PPP1R16B: variants seen among roughly 807,000 people sequenced by gnomAD.
PPP1R16B encodes protein phosphatase 1 regulatory inhibitor subunit 16B.
In PPP1R16B, 14 loss-of-function variants were observed where a neutral mutation model predicts 61.7. The ratio of observed to expected loss-of-function variants is 0.23; its 90% confidence interval spans 0.15 to 0.35. The LOEUF (loss-of-function observed/expected upper bound fraction) is 0.35. Ranked by LOEUF, PPP1R16B falls within the 10% of genes least tolerant of loss-of-function variation. PPP1R16B has a pLI of 1.00. For synonymous variants in PPP1R16B, 266 were observed against 305.3 expected (o/e 0.87, Z 1.34); for missense variants, 547 against 752.5 (o/e 0.73, Z 3.19).
At chr20:38,820,807 C>T (rs1258281371) in intron 1 of PPP1R16B, among the ~76,000 whole-genome samples, 3 of 151,638 alleles carry the variant, frequency 2.0e-5, no homozygotes, top group African/African-American at 7.3e-5. Context: ...CCGAGGTGGG[C>T]GGATCATGAG....
chr20:38,841,371 A>C (rs1160778134), intron 2 of PPP1R16B, among the ~76,000 whole-genome samples: 2 of 147,730 alleles, frequency 1.4e-5, no homozygotes, highest in Non-Finnish European at 3.0e-5. Flanking sequence ...AAAAAAAAAA[A>C]AAAAAAAAAA....
At chr20:38,824,845 C>T (rs1258563847) in intron 1 of PPP1R16B, among the ~76,000 whole-genome samples, 1 of 152,264 alleles carries the variant, frequency 6.6e-6, no homozygotes. Context: ...GCCTGGCCAA[C>T]ATGGTGAAAC....
At chr20:38,836,216 G>A (rs1376775188) in intron 2 of PPP1R16B, 41 bp downstream of exon 2, 2 of 1,580,644 alleles carry the variant, frequency 1.3e-6, no homozygotes, top group Non-Finnish European at 8.6e-7. Context: ...AGCTGCCTTG[G>A]CCTCTGATCA....
intron 2 of PPP1R16B, among the ~76,000 whole-genome samples, chr20:38,849,230 C>G (rs2084952540): frequency 6.6e-6 from 1 of 151,958 alleles, no homozygotes; most frequent in African/African-American, 2.4e-5. Context: ...TCACCTTAGT[C>G]TTGGTTTTTC....
At chr20:38,814,690 A>G (rs1209053940) in intron 1 of PPP1R16B, among the ~76,000 whole-genome samples, 2 of 152,096 alleles carry the variant, frequency 1.3e-5, no homozygotes, top group Non-Finnish European at 2.9e-5. Context: ...TTTGTTCACT[A>G]GGTTACTTAT....
At chr20:38,906,225 A>T (rs2085440733) in intron 7 of PPP1R16B, 131 bp downstream of exon 7, 5 of 767,542 alleles carry the variant, frequency 6.5e-6, no homozygotes, top group Non-Finnish European at 8.9e-6. Flanking sequence ...TATAGCTCAT[A>T]TGTGGGATAT....
chr20:38,898,883 A>G lies in PPP1R16B; in HGVS notation c.468-1698A>G, dbSNP rs188314258. ...CTTAAAAGTAATGGCAAGAACCACA[A>G]TTACTTTTGCACCAACCTAAATAAT... is the stretch of plus-strand genomic sequence containing the variant. On this transcript the variant is annotated intron_variant, in intron 4 of 10. Coordinates refer to ENST00000299824, the MANE Select transcript of PPP1R16B (RefSeq NM_015568.4). Among the ~76,000 whole-genome samples the G allele has an allele frequency of 3.2e-3, 484 of 152,314 alleles. 2 individuals are homozygous for G. Among genetic ancestry groups the G allele is most frequent in the African/African-American group, 0.011 (464 of 41,568 alleles).
intron 2 of PPP1R16B, among the ~76,000 whole-genome samples, chr20:38,872,186 C>T (rs1177095487): frequency 6.6e-6 from 1 of 152,170 alleles, no homozygotes; most frequent in African/African-American, 2.4e-5. Flanking sequence ...GTCATTTAAT[C>T]ATTTGCTCAC....
At chr20:38,874,011 G>A (rs2085149072) in intron 2 of PPP1R16B, among the ~76,000 whole-genome samples, 1 of 152,158 alleles carries the variant, frequency 6.6e-6, no homozygotes, top group East Asian at 1.9e-4. Context: ...TTACAGGCAT[G>A]AGCCACCGTG....
chr20:38,900,778 C>T (rs1359635380), intron 5 of PPP1R16B, 94 bp downstream of exon 5: 20 of 907,384 alleles, frequency 2.2e-5, no homozygotes, highest in East Asian at 6.1e-5. Flanking sequence ...AGCTACGCAT[C>T]GGCCTGCCTC....
chr20:38,852,628 A>G lies in PPP1R16B; in HGVS notation c.250+16453A>G, dbSNP rs578142468. 7.9e-5 allele frequency among the ~76,000 whole-genome samples: 12 copies of G among 152,234 alleles called. No individual in the cohort carries two copies. The South Asian group carries it at 2.1e-3, about 26-fold the overall frequency. The stretch of plus-strand genomic sequence containing the variant: ...TGTATGAGAGGCTTGTCAGGTGCTC[A>G]ATGGAGTCTAGACATTTTCTATCTT... On this transcript the variant is annotated intron_variant, in intron 2 of 10. Transcript: ENST00000299824.
At chr20:38,901,056 T>G (rs1386250406) in intron 5 of PPP1R16B, among the ~76,000 whole-genome samples, 1 of 152,222 alleles carries the variant, frequency 6.6e-6, no homozygotes, top group Non-Finnish European at 1.5e-5. Flanking sequence ...GGGTGCCTGC[T>G]CTGTGCCAGG....
intron 1 of PPP1R16B, among the ~76,000 whole-genome samples, chr20:38,834,457 G>A (rs1037225154): frequency 3.9e-5 from 6 of 152,174 alleles, no homozygotes; most frequent in South Asian, 2.1e-4. Flanking sequence ...CCGTGCTGAA[G>A]ACCAGCTGGC....
In PPP1R16B at chr20:38,907,888, G is replaced by A. The variant is rs553676360; in HGVS notation, c.981G>A (p.Arg327=). ...ATGTGATCATGAAGTCACAGCTGAG[G>A]CACAAGTCATCCTTGAGCCGGAGGA... ...KHDVIMKSQL[R]HKSSLSRRTS... The change falls in exon 9 of 11, where the codon AGG becomes AGA. Residue 327 remains arginine, a synonymous_variant. Transcript: ENST00000299824. The surrounding 1 kb of genome is among the most constrained non-coding windows in gnomAD (Gnocchi z 4.5). 2.3e-5 allele frequency: 37 copies of A among 1,614,224 alleles called. No homozygotes were observed. In the South Asian group the frequency reaches 4.0e-4, roughly 17 times the overall value.
chr20:38,892,720 G>A (rs2085301014), intron 3 of PPP1R16B, among the ~76,000 whole-genome samples: 1 of 152,154 alleles, frequency 6.6e-6, no homozygotes, highest in Non-Finnish European at 1.5e-5. Context: ...GGGAACCGAT[G>A]ACTCGACTCA....
chr20:38,901,403 C>T (rs2085393027), intron 5 of PPP1R16B, among the ~76,000 whole-genome samples: 1 of 152,190 alleles, frequency 6.6e-6, no homozygotes, highest in African/African-American at 2.4e-5. Context: ...TGGACCCCTT[C>T]TCAGAATAAT....
At chr20:38,830,025 T>A (rs1023498156) in intron 1 of PPP1R16B, among the ~76,000 whole-genome samples, 4 of 152,270 alleles carry the variant, frequency 2.6e-5, no homozygotes, top group Admixed American at 2.6e-4. Flanking sequence ...GCTGGGCAAC[T>A]GCCCTTAATT....
chr20:38,888,807 C>T (rs1276258449), intron 2 of PPP1R16B, among the ~76,000 whole-genome samples: 2 of 150,460 alleles, frequency 1.3e-5, no homozygotes, highest in East Asian at 2.0e-4. Flanking sequence ...GGGGGCTTAT[C>T]CTAAGCAAGA....
At chr20:38,909,761 C>CT (rs2145781706) in intron 10 of PPP1R16B, among the ~76,000 whole-genome samples, 1 of 152,292 alleles carries the variant, frequency 6.6e-6, no homozygotes, top group Admixed American at 6.5e-5. Context: ...GTGAAGGTGC[C>CT]TGCCCAAGGG....
Sources: allele counts gnomAD v4.1 joint callset (sites outside exome capture counted in the v4.1 genomes callset), GRCh38; gene constraint gnomAD v4.1.1; non-coding constraint Gnocchi (gnomAD v3.1); transcripts MANE v1.5; gene names NCBI Gene and HGNC (gene_info 2026-07-23, HGNC 2026-07-21).